The following MTERF4 variants were observed in gnomAD, a reference collection of about 807,000 sequenced individuals.
MTERF4 encodes the protein transcription termination factor 4, mitochondrial.
MTERF4 carries 17 observed loss-of-function variants against 22.5 expected under a neutral mutation model. The ratio of observed to expected loss-of-function variants is 0.75; its 90% CI spans 0.52 to 1.13. MTERF4 has a LOEUF of 1.13. Ranked by LOEUF, MTERF4 falls within the 50% of genes most tolerant of loss-of-function variation. MTERF4 has a pLI of 0.00. For missense variants in MTERF4, 420 were observed against 466.8 expected (o/e 0.90, Z 0.92); for synonymous variants, 165 against 175.3 (o/e 0.94, Z 0.47).
At chr2:241,101,840 G>A (rs1047419731) in intron 1 of MTERF4, among the ~76,000 whole-genome samples, 2 of 152,154 alleles carry the variant, frequency 1.3e-5, no homozygotes, top group African/African-American at 4.8e-5. Context: ...ATCACCTGAG[G>A]CCAGAAGTTA....
At chr2:241,079,086 C>T (rs560570290) in intron 4 of MTERF4, among the ~76,000 whole-genome samples, 1 of 139,602 alleles carries the variant, frequency 7.2e-6, no homozygotes, top group South Asian at 2.3e-4. Flanking sequence ...TGCACTCCAG[C>T]CTGGGTGACA....
At position 241,075,472 on chromosome 2, in the gene MTERF4, T is replaced by G. The variant is rs961741081; in HGVS notation, n.690A>C. ...TGCATCTCCTGGGCACTGATGTGAC[T>G]GCGCCTCTCCTCATGGGCATCCACC... On this transcript the variant is annotated non_coding_transcript_exon_variant, in exon 5 of 5. Transcript: ENST00000464344. The surrounding 1 kb of genome is among the most constrained non-coding windows in gnomAD (Gnocchi z 4.8). The G allele has an allele frequency of 1.3e-5, 2 of 152,230 alleles. No homozygotes were observed. The highest frequency in any genetic ancestry group is 4.8e-5 in the African/African-American group (2 of 41,458). 9.4% of individuals were successfully genotyped at this position (152,230 alleles called of 1,614,324 possible).
chr2:241,097,189 T>C (rs1383864441), intron 3 of MTERF4, 54 bp downstream of exon 3: 1 of 1,587,488 alleles, frequency 6.3e-7, no homozygotes, highest in South Asian at 1.1e-5. Context: ...GCTAATCCCA[T>C]TACCAGTCAT....
downstream of MTERF4, among the ~76,000 whole-genome samples, chr2:241,091,474 C>T (rs953517828): frequency 6.6e-6 from 1 of 152,312 alleles, no homozygotes; most frequent in East Asian, 1.9e-4. This position sits in a 1 kb window ranked among gnomAD's most constrained non-coding sequence, Gnocchi z 4.1. Context: ...GGGTCCTCCC[C>T]GTGTGCACTG....
chr2:241,081,561 C>T (rs1248437971), intron 4 of MTERF4: 3 of 757,058 alleles, frequency 4.0e-6, no homozygotes, highest in Non-Finnish European at 6.8e-6. Flanking sequence ...CAGCACACCA[C>T]AGAGGAGTGC....
chr2:241,053,984 T>C, the MTERF4 span, among the ~76,000 whole-genome samples: 12 of 152,214 alleles, frequency 7.9e-5, no homozygotes, highest in African/African-American at 2.9e-4. Context: ...TTAGGAACAG[T>C]GGGTGACAGC....
chr2:241,050,705 G>A, the MTERF4 span, among the ~76,000 whole-genome samples: 5 of 152,194 alleles, frequency 3.3e-5, no homozygotes, highest in Admixed American at 6.5e-5. Context: ...AAGCTCTGAC[G>A]AGGTCTTTGT....
At chr2:241,067,314 C>G (rs2062496658), downstream of MTERF4, among the ~76,000 whole-genome samples, 2 of 152,226 alleles carry the variant, frequency 1.3e-5, no homozygotes, top group African/African-American at 4.8e-5. Flanking sequence ...GGCCCCTTCC[C>G]TGCAGTTGCT....
Position 241,099,897 on chromosome 2 carries a change from G to GT in MTERF4, c.22-4dup. On this transcript the variant is annotated splice_polypyrimidine_tract_variant and splice_region_variant and intron_variant, in intron 1 of 3. Coordinates refer to ENST00000391980, the MANE Select transcript of MTERF4 (RefSeq NM_182501.4). ...ATCAGGCGGTGCCAATCAAGGACCT[G>GT]TAAGACACAGGACCAAAAGACAATT... The GT allele has an allele frequency of 6.2e-7, 1 of 1,610,000 alleles. No homozygotes were observed. The highest frequency in any genetic ancestry group is 2.2e-5 in the East Asian group (1 of 44,876).
At chr2:241,077,398 C>T (rs2063080284) in intron 4 of MTERF4, among the ~76,000 whole-genome samples, 2 of 152,064 alleles carry the variant, frequency 1.3e-5, no homozygotes, top group African/African-American at 4.8e-5. Flanking sequence ...GTATGAGCAA[C>T]AACAAAAATC....
intron 2 of MTERF4, among the ~76,000 whole-genome samples, chr2:241,097,986 A>G (rs16843258): frequency 0.035 from 5,359 of 152,276 alleles, 321 homozygotes; most frequent in African/African-American, 0.12. Flanking sequence ...GGGTCACCAT[A>G]TATCTTCTCC....
intron 2 of MTERF4, 103 bp downstream of exon 2, chr2:241,099,293 T>C: frequency 7.5e-7 from 1 of 1,326,422 alleles, no homozygotes. Flanking sequence ...CAGGCTGATC[T>C]TGAACCCCTG....
chr2:241,092,368 A>C (rs1484541330), downstream of MTERF4: 1 of 152,200 alleles, frequency 6.6e-6, no homozygotes, highest in Non-Finnish European at 1.5e-5. This position sits in a 1 kb window ranked among gnomAD's most constrained non-coding sequence, Gnocchi z 4.6. Context: ...TAGCGCAGAC[A>C]CAGCCACAGG....
chr2:241,047,765 G>C, the MTERF4 span, among the ~76,000 whole-genome samples: 22 of 151,968 alleles, frequency 1.4e-4, no homozygotes, highest in Admixed American at 4.6e-4. Flanking sequence ...GGTGCTTCTT[G>C]TTCTATCCAA....
downstream of MTERF4, chr2:241,088,258 T>A (rs1014194386): frequency 1.6e-5 from 13 of 799,838 alleles, no homozygotes; most frequent in Non-Finnish European, 2.9e-5. Flanking sequence ...GTGGAATGTA[T>A]GTGAGCTAAA....
At chr2:241,067,703 C>G (rs1013408654), downstream of MTERF4, 136 of 1,445,180 alleles carry the variant, frequency 9.4e-5, no homozygotes, top group African/African-American at 9.8e-4. Flanking sequence ...CATCTTGAGC[C>G]CCTGCACTCC....
the MTERF4 span, chr2:241,053,231 T>G: frequency 6.2e-7 from 1 of 1,609,052 alleles, no homozygotes; most frequent in East Asian, 2.2e-5. Flanking sequence ...GCGGTGGCCC[T>G]GTATGCATGT....
the MTERF4 span, among the ~76,000 whole-genome samples, chr2:241,055,975 G>A: frequency 6.6e-6 from 1 of 152,202 alleles, no homozygotes; most frequent in Non-Finnish European, 1.5e-5. Context: ...AGAGAATACA[G>A]TATGTTCATC....
At chr2:241,067,864 G>T (rs1304350931), downstream of MTERF4, 1 of 1,613,520 alleles carries the variant, frequency 6.2e-7, no homozygotes, top group Middle Eastern at 1.6e-4. Flanking sequence ...CCGTCAGTGG[G>T]GTCCGTGTGT....
Sources: allele counts gnomAD v4.1 joint callset (sites outside exome capture counted in the v4.1 genomes callset), GRCh38; gene constraint gnomAD v4.1.1; non-coding constraint Gnocchi (gnomAD v3.1); transcripts MANE v1.5; gene names NCBI Gene and HGNC (gene_info 2026-07-23, HGNC 2026-07-21).